SLC12A9: variants seen among roughly 807,000 people sequenced by gnomAD.
SLC12A9 encodes CCC-interacting protein 1.
SLC12A9 carries 55 observed loss-of-function variants against 66.0 expected under a neutral mutation model. The ratio of observed to expected loss-of-function variants is 0.83; its 90% CI spans 0.67 to 1.04. The LOEUF is 1.04. Ranked by LOEUF, SLC12A9 falls within the 50% of genes least tolerant of loss-of-function variation. The pLI is 0.00. For synonymous variants in SLC12A9, 577 were observed against 569.0 expected (o/e 1.01, Z -0.20); for missense variants, 1,061 against 1,241.9 (o/e 0.85, Z 2.19).
chr7:100,832,573 A>G (rs1231769695), intron 1 of SLC12A9, among the ~76,000 whole-genome samples: 1 of 152,202 alleles, frequency 6.6e-6, no homozygotes, highest in East Asian at 1.9e-4. Context: ...AAATAATATT[A>G]CAAAATCATC....
chr7:100,854,265 C>T lies in SLC12A9; in HGVS notation c.68C>T (p.Ala23Val), dbSNP rs1156479996. 4.4e-6 allele frequency: 7 copies of T among 1,582,642 alleles called. No homozygotes were observed. Among genetic ancestry groups the T allele is most frequent in the Non-Finnish European group, 6.0e-6 (7 of 1,172,110 alleles). Residue 23 changes from alanine (A) to valine (V), a missense_variant, in exon 2 of 14, where the codon GCC becomes GTC. Coordinates refer to ENST00000354161, the MANE Select transcript of SLC12A9 (RefSeq NM_020246.4). ...LLGEEGVALP[A>V]NGAGGPGGAS... The stretch of plus-strand genomic sequence containing the variant: ...GGGGAGGAGGGGGTTGCCCTCCCTG[C>T]CAATGGGGCCGGGGGTCCTGGAGGG...
chr7:100,849,407 T>C (rs1471458093), upstream of SLC12A9, among the ~76,000 whole-genome samples: 1 of 149,522 alleles, frequency 6.7e-6, no homozygotes, highest in Non-Finnish European at 1.5e-5. Flanking sequence ...GAACACAACA[T>C]TGAGACCCAG....
chr7:100,828,989 A>ATTT (rs1310421012), intron 1 of SLC12A9, among the ~76,000 whole-genome samples: 117 of 142,614 alleles, frequency 8.2e-4, no homozygotes, highest in African/African-American at 2.7e-3. Flanking sequence ...GCGGGGACAG[A>ATTT]TTTTTTTTTT....
At chr7:100,858,765 G>A (rs763324574) in intron 5 of SLC12A9, 70 bp from the exon 6 acceptor site, 31 of 1,442,370 alleles carry the variant, frequency 2.1e-5, no homozygotes, top group Non-Finnish European at 2.9e-5. Context: ...TGTGTGGAGA[G>A]GGTGGCTAAG....
chr7:100,854,486 C>T (rs1236699090), intron 2 of SLC12A9, 108 bp downstream of exon 2: 43 of 1,586,000 alleles, frequency 2.7e-5, no homozygotes, highest in East Asian at 2.2e-4. Context: ...CCAAGAGAAG[C>T]GGTTGGCTGA....
In SLC12A9 at chr7:100,855,749, T is replaced by G. The variant is rs1304696560; in HGVS notation, c.360T>G (p.Ile120Met). The G allele has an allele frequency of 6.2e-7, 1 of 1,614,168 alleles. No individual in the cohort carries two copies. The highest frequency in any genetic ancestry group is 8.5e-7 in the Non-Finnish European group (1 of 1,180,020). Residue 120 changes from isoleucine to methionine, a missense_variant, in exon 4 of 14, where the codon ATT becomes ATG. By Grantham distance (10) the Ile-to-Met change is conservative. Coordinates refer to ENST00000354161, the MANE Select transcript of SLC12A9 (RefSeq NM_020246.4). The stretch of plus-strand genomic sequence containing the variant: ...TGGGGCCCGAGGTCGGGGGCAGCAT[T>G]GGGCTCATGTTCTACCTGGCTAACG... The part of the protein sequence containing the change: ...RTLGPEVGGS[I>M]GLMFYLANVC...
chr7:100,826,927 G>C (rs1476722695), exon 1 of SLC12A9: 27 of 1,536,236 alleles, frequency 1.8e-5, no homozygotes, highest in South Asian at 2.4e-5. Flanking sequence ...CAGATGTTGG[G>C]GGGGAGGTCC....
chr7:100,851,243 T>C (rs928451606), upstream of SLC12A9, among the ~76,000 whole-genome samples: 1 of 152,048 alleles, frequency 6.6e-6, no homozygotes, highest in African/African-American at 2.4e-5. Context: ...TTTTCTTTAA[T>C]AAGCGCAGTA....
At chr7:100,828,230 G>A (rs1357433656) in intron 1 of SLC12A9, among the ~76,000 whole-genome samples, 1 of 152,152 alleles carries the variant, frequency 6.6e-6, no homozygotes, top group Non-Finnish European at 1.5e-5. Flanking sequence ...AAAAATCGAG[G>A]AAACAACGGT....
chr7:100,861,820 C>A lies in SLC12A9; in HGVS notation c.1620C>A (p.Asn540Lys). ...WRPQLLLLVG[N>K]PRGALPLLRL... ...CCCAGCTGCTGCTCCTGGTGGGGAA[C>A]CCCCGGGGCGCCCTGCCTCTGCTGC... is the stretch of plus-strand genomic sequence containing the variant. Residue 540 changes from asparagine (N) to lysine (K), a missense_variant, in exon 12 of 14, where the codon AAC becomes AAA. Transcript: ENST00000354161. The surrounding 1 kb of genome is among the most constrained non-coding windows in gnomAD (Gnocchi z 5.3). 1.9e-6 allele frequency: 3 copies of A among 1,614,102 alleles called. No homozygotes were observed. Among genetic ancestry groups the A allele is most frequent in the Non-Finnish European group, 2.5e-6 (3 of 1,179,990 alleles).
chr7:100,865,331 C>A (rs1216754196), intron 13 of SLC12A9: 50 of 1,535,840 alleles, frequency 3.3e-5, no homozygotes, highest in Non-Finnish European at 4.3e-5. Context: ...ATGAGCTTGG[C>A]TGATCAGGGT....
chr7:100,840,764 A>G (rs890805503), intron 1 of SLC12A9, among the ~76,000 whole-genome samples: 13 of 152,282 alleles, frequency 8.5e-5, no homozygotes, highest in Non-Finnish European at 8.8e-5. Flanking sequence ...GTTAAGAAAA[A>G]AAAAAGGTGT....
chr7:100,828,307 G>C (rs1270519817), intron 1 of SLC12A9, among the ~76,000 whole-genome samples: 1 of 151,908 alleles, frequency 6.6e-6, no homozygotes, highest in Non-Finnish European at 1.5e-5. Flanking sequence ...GGGAGGCAGA[G>C]GCAGGCGGAT....
chr7:100,862,522 AG>A (rs1199501613), intron 12 of SLC12A9, among the ~76,000 whole-genome samples, 158 bp from the exon 13 acceptor site: 1 of 152,218 alleles, frequency 6.6e-6, no homozygotes, highest in Non-Finnish European at 1.5e-5. Context: ...CAGGGATTAC[AG>A]GCATGAGCCC....
chr7:100,830,440 G>T (rs939117213), intron 1 of SLC12A9, among the ~76,000 whole-genome samples: 1 of 152,088 alleles, frequency 6.6e-6, no homozygotes, highest in African/African-American at 2.4e-5. Flanking sequence ...TTTGGAGGCT[G>T]AGATGAGAGG....
intron 1 of SLC12A9, among the ~76,000 whole-genome samples, chr7:100,838,942 G>A (rs749955726): frequency 1.2e-4 from 18 of 152,092 alleles, no homozygotes; most frequent in Non-Finnish European, 2.5e-4. Flanking sequence ...AATTACCGGT[G>A]CATGCAGCCC....
At chr7:100,829,218 C>T (rs111634014) in intron 1 of SLC12A9, among the ~76,000 whole-genome samples, 3,981 of 152,178 alleles carry the variant, frequency 0.026, 164 homozygotes, top group African/African-American at 0.089. Context: ...GAACTCCTGA[C>T]CTAAAGTGAT....
chr7:100,862,845 G>A lies in SLC12A9; in HGVS notation c.1858+18G>A. 1 of 1,613,510 alleles carries A rather than the reference G, an allele frequency of 6.2e-7. No homozygotes were observed. The highest frequency in any genetic ancestry group is 8.5e-7 in the Non-Finnish European group (1 of 1,179,868). The stretch of plus-strand genomic sequence containing the variant: ...CGGCCTCGGTGAGCTGCTTCTCCCT[G>A]GATGCCCTCGGCCTTCCTCTGTGGC... On this transcript the variant is annotated intron_variant, in intron 13 of 13. Coordinates refer to ENST00000354161, the MANE Select transcript of SLC12A9 (RefSeq NM_020246.4).
At position 100,830,169 on chromosome 7, in the gene SLC12A9, T is replaced by C. The variant is rs931326247; in HGVS notation, n.228+3122T>C. 8.6e-5 allele frequency among the ~76,000 whole-genome samples: 13 copies of C among 151,948 alleles called. No individual in the cohort carries two copies. The South Asian group carries it at 1.5e-3, about 17-fold the overall frequency. ...GAGTTCGAGACCAGCCTGGCCAACA[T>C]AGTGAAACCCCTTCTCTACTGAAAA... On this transcript the variant is annotated intron_variant and non_coding_transcript_variant, in intron 1 of 1. Transcript: ENST00000461016.
Sources: allele counts gnomAD v4.1 joint callset (sites outside exome capture counted in the v4.1 genomes callset), GRCh38; gene constraint gnomAD v4.1.1; non-coding constraint Gnocchi (gnomAD v3.1); transcripts MANE v1.5; gene names NCBI Gene and HGNC (gene_info 2026-07-23, HGNC 2026-07-21).